The following EIPR1 variants were observed in gnomAD, a reference collection of about 807,000 sequenced individuals.
The protein encoded by EIPR1 is EARP and GARP complex-interacting protein 1.
In EIPR1, 25 loss-of-function variants were observed where a neutral mutation model predicts 48.1. The ratio of observed to expected loss-of-function variants is 0.52; its 90% CI spans 0.38 to 0.73. EIPR1 has a LOEUF of 0.73. Ranked by LOEUF, EIPR1 falls within the 30% of genes least tolerant of loss-of-function variation. The pLI, the probability that EIPR1 is intolerant of heterozygous loss-of-function variation, is 0.00. For synonymous variants in EIPR1, 204 were observed against 201.9 expected, an observed-to-expected ratio of 1.01 and a Z score of -0.09; for missense variants, 415 against 506.2, an observed-to-expected ratio of 0.82 and a Z score of 1.73.
chr2:3,238,582 C>T (rs573118405), intron 4 of EIPR1, among the ~76,000 whole-genome samples: 10 of 152,242 alleles, frequency 6.6e-5, no homozygotes, highest in Non-Finnish European at 1.5e-4. Context: ...CTTCTGGTCT[C>T]CCCACTGTCA....
chr2:3,222,660 G>A (rs1665933969), intron 4 of EIPR1, among the ~76,000 whole-genome samples: 1 of 152,188 alleles, frequency 6.6e-6, no homozygotes, highest in African/African-American at 2.4e-5. Flanking sequence ...AAGGTCACAT[G>A]GCACTTGAGC....
intron 1 of EIPR1, among the ~76,000 whole-genome samples, chr2:3,369,428 G>A (rs1218380205): frequency 6.6e-6 from 1 of 152,200 alleles, no homozygotes; most frequent in Non-Finnish European, 1.5e-5. Context: ...GAAGCAGGGC[G>A]AGGCATTGCC....
chr2:3,230,747 T>C (rs377405991), intron 4 of EIPR1, among the ~76,000 whole-genome samples: 1 of 152,248 alleles, frequency 6.6e-6, no homozygotes, highest in Non-Finnish European at 1.5e-5. Flanking sequence ...CCTGTTTCTA[T>C]TACAGTAGTC....
chr2:3,192,381 C>T, intron 8 of EIPR1, 33 bp downstream of exon 8: 2 of 1,551,846 alleles, frequency 1.3e-6, no homozygotes, highest in African/African-American at 1.4e-5. Flanking sequence ...GGCTCTGGTA[C>T]AGCGTGAGCC....
At chr2:3,300,101 T>C (rs530161069) in intron 3 of EIPR1, among the ~76,000 whole-genome samples, 19 of 152,334 alleles carry the variant, frequency 1.2e-4, no homozygotes, top group South Asian at 2.1e-4. Context: ...GCCATTCTTA[T>C]AGGTCAAAAA....
chr2:3,327,544 T>C (rs760121905), intron 3 of EIPR1, among the ~76,000 whole-genome samples: 5 of 152,310 alleles, frequency 3.3e-5, no homozygotes, highest in South Asian at 4.1e-4. Context: ...GATGCTGAGA[T>C]AGAGAGAAAA....
intron 3 of EIPR1, among the ~76,000 whole-genome samples, chr2:3,292,566 T>C (rs902559212): frequency 6.6e-6 from 1 of 152,152 alleles, no homozygotes; most frequent in African/African-American, 2.4e-5. Context: ...CCCTCTTTTA[T>C]GAGGAATGAG....
At chr2:3,221,025 GAC>G (rs1665873571) in intron 4 of EIPR1, among the ~76,000 whole-genome samples, 1 of 48,602 alleles carries the variant, frequency 2.1e-5, no homozygotes, top group Non-Finnish European at 4.2e-5. Context: ...CACAATGGCC[GAC>G]GTACACTCTA....
intron 4 of EIPR1, among the ~76,000 whole-genome samples, chr2:3,241,447 A>G (rs1572344480): frequency 6.6e-6 from 1 of 152,356 alleles, no homozygotes; most frequent in East Asian, 1.9e-4. Context: ...GAGTATGCAA[A>G]GTGCAATAAA....
chr2:3,376,724 T>C (rs1659896867), intron 1 of EIPR1, among the ~76,000 whole-genome samples: 1 of 151,780 alleles, frequency 6.6e-6, no homozygotes, highest in Non-Finnish European at 1.5e-5. Context: ...ATCATTTATA[T>C]CTTTAACACA....
intron 1 of EIPR1, among the ~76,000 whole-genome samples, chr2:3,359,767 T>C (rs62119521): frequency 0.16 from 24,664 of 152,146 alleles, 2,204 homozygotes; most frequent in Non-Finnish European, 0.2. Flanking sequence ...CCAATGACCT[T>C]ATTACAAAAG....
chr2:3,258,124 G>A (rs1197583538), intron 3 of EIPR1, among the ~76,000 whole-genome samples: 3 of 128,522 alleles, frequency 2.3e-5, no homozygotes, highest in East Asian at 2.5e-4. Flanking sequence ...GTGGCTGCTC[G>A]GTCTCCCTGA....
At chr2:3,293,375 A>T (rs1668426552) in intron 3 of EIPR1, among the ~76,000 whole-genome samples, 1 of 152,200 alleles carries the variant, frequency 6.6e-6, no homozygotes, top group Admixed American at 6.5e-5. Context: ...ATGCTGCTAT[A>T]GCCTGTGAGT....
At chr2:3,308,379 T>G (rs1490759189) in intron 3 of EIPR1, among the ~76,000 whole-genome samples, 1 of 151,556 alleles carries the variant, frequency 6.6e-6, no homozygotes, top group Non-Finnish European at 1.5e-5. Flanking sequence ...AACAAAGAGA[T>G]GAAAGATATA....
chr2:3,229,471 T>G (rs1038067063), intron 4 of EIPR1, among the ~76,000 whole-genome samples: 4 of 152,254 alleles, frequency 2.6e-5, no homozygotes, highest in African/African-American at 4.8e-5. Context: ...GCTTTGAGCT[T>G]GGCAAGCATG....
intron 4 of EIPR1, among the ~76,000 whole-genome samples, chr2:3,244,046 A>G (rs1666722268): frequency 6.6e-6 from 1 of 152,212 alleles, no homozygotes; most frequent in Non-Finnish European, 1.5e-5. Context: ...GGCTGTGACA[A>G]CCCAGGCCCA....
At position 3,221,704 on chromosome 2, in the gene EIPR1, C is replaced by G. The variant is rs139084676; in HGVS notation, c.417-7456G>C. ...CACTCTAGAGCATTCACAGTGAGACCGGAACACACGCACACAATGGCCAAG... is the reference window on the plus strand; with the variant it reads ...CACTCTAGAGCATTCACAGTGAGACGGGAACACACGCACACAATGGCCAAG... On this transcript the variant is annotated intron_variant, in intron 4 of 8. Coordinates refer to ENST00000382125, the MANE Select transcript of EIPR1 (RefSeq NM_003310.5). Among the ~76,000 whole-genome samples, 5 of 15,030 alleles carry G rather than the reference C, an allele frequency of 3.3e-4. 1 individual carries two copies. Among genetic ancestry groups the G allele is most frequent in the Non-Finnish European group, 4.2e-4 (2 of 4,732 alleles). The allele number at this position is 15,030 out of a possible 152,430, so 9.9% of individuals were successfully genotyped here.
At chr2:3,258,211 C>A (rs1275242468) in intron 3 of EIPR1, among the ~76,000 whole-genome samples, 2 of 152,178 alleles carry the variant, frequency 1.3e-5, no homozygotes, top group Non-Finnish European at 2.9e-5. Flanking sequence ...AGAGACTCAA[C>A]CTGCATTAGA....
chr2:3,280,919 T>G (rs1667994209), intron 3 of EIPR1, among the ~76,000 whole-genome samples: 1 of 151,776 alleles, frequency 6.6e-6, no homozygotes, highest in Non-Finnish European at 1.5e-5. Context: ...GAGCCGCCTG[T>G]GCAGCTGCTG....
Sources: allele counts gnomAD v4.1 joint callset (sites outside exome capture counted in the v4.1 genomes callset), GRCh38; gene constraint gnomAD v4.1.1; transcripts MANE v1.5; gene names NCBI Gene and HGNC (gene_info 2026-07-23, HGNC 2026-07-21).